The following POLD1 variants were observed in gnomAD, a reference collection of about 807,000 sequenced individuals.
POLD1 encodes the protein DNA polymerase delta 1, catalytic subunit.
POLD1 carries 79 observed loss-of-function variants against 129.7 expected under a neutral mutation model. That is an observed-to-expected ratio of 0.61 (90% CI 0.51 to 0.73). POLD1 has a LOEUF of 0.73. Ranked by LOEUF, POLD1 falls within the 30% of genes least tolerant of loss-of-function variation. POLD1 has a pLI of 0.00. For synonymous variants in POLD1, 714 were observed against 683.3 expected (o/e 1.04, Z -0.70); for missense variants, 1,338 against 1,595.8 (o/e 0.84, Z 2.75).
At chr19:50,390,010 T>C (rs2038100905) in intron 1 of POLD1, among the ~76,000 whole-genome samples, 1 of 149,326 alleles carries the variant, frequency 6.7e-6, no homozygotes. Flanking sequence ...CCAGGTTCAA[T>C]CAATTCTCCT....
chr19:50,409,635 TG>T lies in POLD1; in HGVS notation c.2126del (p.Gly709AlafsTer19). The T allele has an allele frequency of 6.2e-7, 1 of 1,607,192 alleles. No homozygotes were observed. Among genetic ancestry groups the T allele is most frequent in the Non-Finnish European group, 8.5e-7 (1 of 1,175,272 alleles). On this transcript the variant is annotated frameshift_variant, in exon 17 of 27. Coordinates refer to ENST00000440232, the MANE Select transcript of POLD1 (RefSeq NM_002691.4). LOFTEE classifies it high-confidence loss of function. This position sits in a 1 kb window ranked among gnomAD's most constrained non-coding sequence, Gnocchi z 5.8. The part of the protein sequence containing the change: ...NSVYGFTGAQ[V>X]GKLPCLEISQ... The stretch of plus-strand genomic sequence containing the variant: ...GTATACGGCTTCACTGGCGCCCAGG[TG>T]GGCAAGTTGCCGTGCCTGGAGATCT...
intron 1 of POLD1, among the ~76,000 whole-genome samples, chr19:50,385,940 G>GTT (rs901575357): frequency 1.3e-5 from 2 of 152,072 alleles, no homozygotes; most frequent in Non-Finnish European, 2.9e-5. Flanking sequence ...GACAGCTGCT[G>GTT]TTTGGACAGG....
chr19:50,403,844 G>A (rs909935991), intron 10 of POLD1, among the ~76,000 whole-genome samples: 1 of 151,604 alleles, frequency 6.6e-6, no homozygotes, highest in Non-Finnish European at 1.5e-5. Flanking sequence ...ATTCAAGGTC[G>A]GCCTGAAGCT....
chr19:50,394,713 GAGATCCAGGGATAGAC>G lies in POLD1; in HGVS notation c.-1-4135_-1-4120del, dbSNP rs530195879. Among the ~76,000 whole-genome samples, 13 of 152,230 alleles carry G rather than the reference GAGATCCAGGGATAGAC, an allele frequency of 8.5e-5. No homozygotes were observed. The South Asian group carries it at 2.7e-3, about 32-fold the overall frequency. The stretch of plus-strand genomic sequence containing the variant: ...GGACTGGATATGGGGCAACCGTTAT[GAGATCCAGGGATAGAC>G]AGCTGACCTGCTCACCTGCCTCTTC... On this transcript the variant is annotated intron_variant, in intron 1 of 26. Transcript: ENST00000440232.
At chr19:50,387,016 CCCCGTCTCT>C (rs2037994806) in intron 1 of POLD1, among the ~76,000 whole-genome samples, 1 of 151,912 alleles carries the variant, frequency 6.6e-6, no homozygotes, top group East Asian at 1.9e-4. Flanking sequence ...CACGGTGAAA[CCCCGTCTCT>C]ACTAAAAATA....
intron 1 of POLD1, among the ~76,000 whole-genome samples, chr19:50,398,536 C>T (rs1454196263): frequency 4.3e-5 from 6 of 140,642 alleles, no homozygotes; most frequent in Admixed American, 1.5e-4. Context: ...TGCCATTGCA[C>T]TCCAGCCTGG....
At position 50,406,565 on chromosome 19, in the gene POLD1, T is replaced by C; in HGVS notation, c.1494+48T>C. 2 of 1,381,182 alleles carry C rather than the reference T, an allele frequency of 1.4e-6. No homozygotes were observed. The highest frequency in any genetic ancestry group is 2.0e-6 in the Non-Finnish European group (2 of 993,666). 85.6% of individuals were successfully genotyped at this position (1,381,182 alleles called of 1,614,324 possible). A position where few individuals can be genotyped will look rare whatever the true frequency, so the allele number is the denominator to read the frequency against. ...CTCACCCCAACCTCTGACCTCCACC[T>C]CACCCTTCCCCGGCCTCTGACCTCA... On this transcript the variant is annotated intron_variant, in intron 12 of 26. Transcript: ENST00000440232. This position sits in a 1 kb window ranked among gnomAD's most constrained non-coding sequence, Gnocchi z 5.5.
chr19:50,411,853 A>G (rs957365981), intron 17 of POLD1, among the ~76,000 whole-genome samples: 4 of 151,700 alleles, frequency 2.6e-5, no homozygotes, highest in Non-Finnish European at 4.4e-5. Flanking sequence ...AAAAAAAAAA[A>G]GTAATGAATT....
rs773075581 is a variant in POLD1, at chr19:50,406,301, C to T, written c.1362C>T (p.Arg454=). 5.1e-5 allele frequency: 83 copies of T among 1,613,812 alleles called. No homozygotes were observed. In the Middle Eastern group the frequency reaches 8.2e-4, roughly 16 times the overall value. The change falls in exon 11 of 27, where the codon CGC becomes CGT. Residue 454 remains arginine, a synonymous_variant. Coordinates refer to ENST00000440232, the MANE Select transcript of POLD1 (RefSeq NM_002691.4). The surrounding 1 kb of genome is among the most constrained non-coding windows in gnomAD (Gnocchi z 5.5). ...RDTKVVSMVG[R]VQMDMLQVLL... ...CCAAGGTTGTCAGCATGGTGGGCCG[C>T]GTGCAGATGGACATGCTGCAGGTAT...
chr19:50,400,816 C>T (rs936836323), intron 3 of POLD1, among the ~76,000 whole-genome samples: 2 of 151,378 alleles, frequency 1.3e-5, no homozygotes, highest in Non-Finnish European at 2.9e-5. Flanking sequence ...CCTGCCTCAG[C>T]CTCCCGAGTT....
At chr19:50,392,178 C>T (rs925877376) in intron 1 of POLD1, among the ~76,000 whole-genome samples, 5 of 152,162 alleles carry the variant, frequency 3.3e-5, no homozygotes, top group African/African-American at 7.2e-5. Context: ...TCAAGTGATC[C>T]TCCCACCTCA....
In POLD1 at chr19:50,402,112, T is replaced by A. The variant is rs762498700; in HGVS notation, c.577T>A (p.Cys193Ser). ...TGPAVLAVEL[C>S]SRESMFGYHG... is the part of the protein sequence containing the mutation. ...GCCGGCCGTGCTGGCTGTGGAACTG[T>A]GCTCCCGAGAGAGTGAGTGCTCCCC... Residue 193 changes from cysteine (C) to serine (S), a missense_variant, in exon 5 of 27, where the codon TGC becomes AGC. Physicochemically the swap from Cys to Ser is moderately radical, Grantham distance 112. Transcript: ENST00000440232. 1.9e-6 allele frequency: 3 copies of A among 1,612,530 alleles called. No individual in the cohort carries two copies. The South Asian group carries it at 3.3e-5, about 18-fold the overall frequency.
chr19:50,406,259 G>C lies in POLD1; in HGVS notation c.1320G>C (p.Gln440His), dbSNP rs780771892. The C allele has an allele frequency of 2.5e-6, 4 of 1,614,024 alleles. No individual in the cohort carries two copies. In the South Asian group the frequency reaches 4.4e-5, roughly 18 times the overall value. Residue 440 changes from glutamine (Q) to histidine (H), a missense_variant, in exon 11 of 27, where the codon CAG becomes CAC. This residue lies in a region of POLD1 where 720 missense variants were observed against 1,002.6 expected (regional missense o/e 0.72). Transcript: ENST00000440232. The surrounding 1 kb of genome is among the most constrained non-coding windows in gnomAD (Gnocchi z 5.5). ...GGGACTCTTCATTCCAGTCCAAGCAGACGGGCCGGCGGGACACCAAGGTTG... is the reference window on the plus strand; with the variant it reads ...GGGACTCTTCATTCCAGTCCAAGCACACGGGCCGGCGGGACACCAAGGTTG... ...NIRDSSFQSK[Q>H]TGRRDTKVVS...
rs753290096 is a variant in POLD1, at chr19:50,417,984, G to C, written c.*37G>C. 1 of 1,273,238 alleles carries C rather than the reference G, an allele frequency of 7.9e-7. No homozygotes were observed. Among genetic ancestry groups the C allele is most frequent in the Non-Finnish European group, 1.1e-6 (1 of 884,368 alleles). The allele number at this position is 1,273,238 out of a possible 1,614,324, so 78.9% of individuals were successfully genotyped here. A position where few individuals can be genotyped will look rare whatever the true frequency, so the allele number is the denominator to read the frequency against. ...TCCCATGGGGCGGGGGCGGGACCAG[G>C]GAGAATTAATAAAGTTCTGGACTTT... On this transcript the variant is annotated 3_prime_UTR_variant, in exon 27 of 27. Transcript: ENST00000440232.
rs3219373 is a variant in POLD1 at position 50,399,945 on chromosome 19, G to C, written c.316+461G>C. On this transcript the variant is annotated intron_variant, in intron 3 of 26. Transcript: ENST00000440232. ...TTCTCCTGCCTCAGCCTCCCAAGTA[G>C]CTGGGATTACAGGTGCACACCACCA... Among the ~76,000 whole-genome samples, 1,062 of 151,592 alleles carry C rather than the reference G, an allele frequency of 7.0e-3. 12 individuals carry two copies. The highest frequency in any genetic ancestry group is 0.025 in the African/African-American group (1,028 of 41,274).
Position 50,406,326 on chromosome 19 carries a change from T to A in POLD1, c.1383+4T>A, listed in dbSNP as rs1060501854. On this transcript the variant is annotated splice_donor_region_variant and intron_variant, in intron 11 of 26. Transcript: ENST00000440232. The surrounding 1 kb of genome is among the most constrained non-coding windows in gnomAD (Gnocchi z 5.5). ...CGTGCAGATGGACATGCTGCAGGTATGGGCGGGAGGTGGGGTGTGTCCCTG... is the reference window on the plus strand; with the variant it reads ...CGTGCAGATGGACATGCTGCAGGTAAGGGCGGGAGGTGGGGTGTGTCCCTG... 1 of 1,613,760 alleles carries A rather than the reference T, an allele frequency of 6.2e-7. No homozygotes were observed. Among genetic ancestry groups the A allele is most frequent in the Admixed American group, 1.7e-5 (1 of 60,000 alleles).
chr19:50,398,598 A>T (rs558270953), intron 1 of POLD1, among the ~76,000 whole-genome samples: 1 of 141,502 alleles, frequency 7.1e-6, no homozygotes, highest in African/African-American at 2.6e-5. Context: ...AAAAAGCAAG[A>T]GATGTGCTAA....
At chr19:50,417,503 G>A (rs1460781781) in intron 26 of POLD1, among the ~76,000 whole-genome samples, 5 of 152,150 alleles carry the variant, frequency 3.3e-5, no homozygotes, top group Admixed American at 6.5e-5. Context: ...AGTGTTGCCC[G>A]GGAAACGGCT....
In POLD1 at chr19:50,415,970, GCCTCGGCCC is replaced by G. The variant is rs2039273023; in HGVS notation, c.2820+149_2820+157del. The stretch of plus-strand genomic sequence containing the variant: ...CGCCCCCCATGGCAGCCTGGGTGTG[GCCTCGGCCC>G]CCTCTGGAGGTCCCCCCTCTATTCT... On this transcript the variant is annotated intron_variant, in intron 22 of 26. Coordinates refer to ENST00000440232, the MANE Select transcript of POLD1 (RefSeq NM_002691.4). The G allele has an allele frequency of 4.7e-6, 3 of 635,674 alleles. No individual in the cohort carries two copies. In the South Asian group the frequency reaches 5.9e-5, roughly 12 times the overall value. The allele number at this position is 635,674 out of a possible 1,614,324, so 39.4% of individuals were successfully genotyped here.
Sources: allele counts gnomAD v4.1 joint callset (sites outside exome capture counted in the v4.1 genomes callset), GRCh38; gene constraint gnomAD v4.1.1; regional missense constraint gnomAD v4.1.1; non-coding constraint Gnocchi (gnomAD v3.1); transcripts MANE v1.5; gene names NCBI Gene and HGNC (gene_info 2026-07-23, HGNC 2026-07-21).